Variants in HSD3B1 observed in about 807,000 individuals in gnomAD.
HSD3B1 encodes the protein hydroxy-delta-5-steroid dehydrogenase, 3 beta- and steroid delta-isomerase 1, also known as 3 beta-hydroxysteroid dehydrogenase/Delta 5-->4-isomerase type 1.
A neutral mutation model predicts 10.4 loss-of-function variants in HSD3B1; 11 were observed. That is an observed-to-expected ratio of 1.05 (90% CI 0.66 to 1.75). The LOEUF (loss-of-function observed/expected upper bound fraction) is 1.75, where lower values mean the gene tolerates loss of function less well. HSD3B1 is among the 40% of genes most tolerant of loss of function. The pLI, the probability that HSD3B1 is intolerant of heterozygous loss-of-function variation, is 0.00. For synonymous variants in HSD3B1, 217 were observed against 185.4 expected (o/e 1.17, Z -1.39); for missense variants, 490 against 454.5 (o/e 1.08, Z -0.71).
chr1:119,507,316 A>G lies in HSD3B1; in HGVS notation c.-86+54A>G, dbSNP rs587658433. ...ACTCCTGCAGTGGTGGGGACACAGA[A>G]TGTTTGCAAAAAAAATGGGGTGGAG... On this transcript the variant is annotated intron_variant, in intron 1 of 3. Coordinates refer to ENST00000369413, the MANE Select transcript of HSD3B1 (RefSeq NM_000862.3). The G allele has an allele frequency of 2.4e-5, 16 of 666,070 alleles. No individual in the cohort carries two copies. In the East Asian group the frequency reaches 3.1e-4, roughly 13 times the overall value. 41.3% of individuals were successfully genotyped at this position (666,070 alleles called of 1,614,324 possible). A position where few individuals can be genotyped will look rare whatever the true frequency, so the allele number is the denominator to read the frequency against.
intron 2 of HSD3B1, among the ~76,000 whole-genome samples, chr1:119,509,412 A>T (rs1408570394): frequency 6.6e-6 from 1 of 152,224 alleles, no homozygotes; most frequent in Non-Finnish European, 1.5e-5. Context: ...TGACTTCATC[A>T]ACAAAGTACC....
rs1267100162 is a variant in HSD3B1, at chr1:119,510,734, T to G, written c.146-769T>G. 2.7e-4 allele frequency among the ~76,000 whole-genome samples: 22 copies of G among 80,850 alleles called. 1 individual carries two copies. Among genetic ancestry groups the G allele is most frequent in the African/African-American group, 1.8e-3 (22 of 12,268 alleles). 53.0% of individuals were successfully genotyped at this position (80,850 alleles called of 152,430 possible). A position where few individuals can be genotyped will look rare whatever the true frequency, so the allele number is the denominator to read the frequency against. On this transcript the variant is annotated intron_variant, in intron 2 of 3. Transcript: ENST00000369413. ...GTGGTTTTCTTTTTTTTTTTTTTTT[T>G]TTTTTTTTTTTTTTTTTTTTGAGAC...
At chr1:119,509,386 GAGA>G (rs1251290488) in intron 2 of HSD3B1, among the ~76,000 whole-genome samples, 2 of 152,172 alleles carry the variant, frequency 1.3e-5, no homozygotes, top group African/African-American at 4.8e-5. Context: ...CAGTGCCTTG[GAGA>G]AGAAGGGAGC....
rs371893904 is a variant in HSD3B1, at chr1:119,513,808, A to G, written c.311-26A>G. 7.6e-5 allele frequency: 123 copies of G among 1,609,212 alleles called. 1 individual carries two copies. The Middle Eastern group carries it at 1.7e-3, about 22-fold the overall frequency. ...GCACCTCTTAGGGATATATCCTGACAGTGACAATATGCTCTTCATGGACAG... is the reference window on the plus strand; with the variant it reads ...GCACCTCTTAGGGATATATCCTGACGGTGACAATATGCTCTTCATGGACAG... On this transcript the variant is annotated intron_variant, in intron 3 of 3. Transcript: ENST00000369413.
intron 3 of HSD3B1, among the ~76,000 whole-genome samples, chr1:119,512,982 G>A (rs965247831): frequency 2.0e-5 from 3 of 152,102 alleles, no homozygotes; most frequent in East Asian, 1.9e-4. Flanking sequence ...GGCACTATGG[G>A]TACCTCCATG....
Position 119,511,637 on chromosome 1 carries a change from A to C in HSD3B1, c.280A>C (p.Arg94=). ...CATTGATGTCTTCGGTGTCACTCAC[A>C]GAGAGTCTATCATGAATGTCAATGT... ...CIIDVFGVTH[R]ESIMNVNVKG... The change falls in exon 3 of 4, where the codon AGA becomes CGA. Residue 94 remains arginine (R), a synonymous_variant. Coordinates refer to ENST00000369413, the MANE Select transcript of HSD3B1 (RefSeq NM_000862.3). The C allele has an allele frequency of 6.2e-7, 1 of 1,612,224 alleles. No homozygotes were observed. Among genetic ancestry groups the C allele is most frequent in the Non-Finnish European group, 8.5e-7 (1 of 1,179,712 alleles).
chr1:119,514,782 T>C lies in HSD3B1; in HGVS notation c.*137T>C. On this transcript the variant is annotated 3_prime_UTR_variant, in exon 4 of 4. Coordinates refer to ENST00000369413, the MANE Select transcript of HSD3B1 (RefSeq NM_000862.3). Reference sequence around the variant, plus strand: ...TCCCTTTCATACAATGGCCAACTTATTGTATTCCTCATGTCATCAAAACCT... The same window carrying C: ...TCCCTTTCATACAATGGCCAACTTACTGTATTCCTCATGTCATCAAAACCT... The C allele has an allele frequency of 1.1e-6, 1 of 919,178 alleles. No individual in the cohort carries two copies. Among genetic ancestry groups the C allele is most frequent in the African/African-American group, 1.6e-5 (1 of 60,652 alleles). 56.9% of individuals were successfully genotyped at this position (919,178 alleles called of 1,614,324 possible).
chr1:119,511,983 T>C (rs1046128722), intron 3 of HSD3B1: 4 of 309,546 alleles, frequency 1.3e-5, no homozygotes, highest in African/African-American at 6.4e-5. Context: ...CTTTCTACTG[T>C]GGTTCCAATC....
intron 3 of HSD3B1, among the ~76,000 whole-genome samples, chr1:119,513,178 G>T (rs1653987329): frequency 6.6e-6 from 1 of 152,178 alleles, no homozygotes; most frequent in African/African-American, 2.4e-5. Context: ...AGCCAGAATT[G>T]GAAGCAGCTT....
At position 119,514,749 on chromosome 1, in the gene HSD3B1, C is replaced by A; in HGVS notation, c.*104C>A. ...AGTGACAAGGGCACAAGCTCAGGTC[C>A]TGCTGCCTCCCTTTCATACAATGGC... On this transcript the variant is annotated 3_prime_UTR_variant, in exon 4 of 4. Transcript: ENST00000369413. 7.8e-7 allele frequency: 1 copy of A among 1,281,066 alleles called. No individual in the cohort carries two copies. The highest frequency in any genetic ancestry group is 1.1e-6 in the Non-Finnish European group (1 of 902,044). The allele number at this position is 1,281,066 out of a possible 1,614,324, so 79.4% of individuals were successfully genotyped here.
intron 3 of HSD3B1, among the ~76,000 whole-genome samples, chr1:119,512,975 A>G (rs1489675058): frequency 6.6e-6 from 1 of 152,198 alleles, no homozygotes; most frequent in Non-Finnish European, 1.5e-5. Flanking sequence ...AAGGGAAGGC[A>G]CTATGGGTAC....
intron 2 of HSD3B1, among the ~76,000 whole-genome samples, chr1:119,508,181 A>G (rs975782815): frequency 6.6e-6 from 1 of 151,990 alleles, no homozygotes; most frequent in Non-Finnish European, 1.5e-5. Context: ...GGGGAGAGAG[A>G]GTCGGGGAGA....
chr1:119,507,675 G>A (rs1244104328), intron 2 of HSD3B1, 54 bp downstream of exon 2: 1 of 1,577,156 alleles, frequency 6.3e-7, no homozygotes, highest in African/African-American at 1.3e-5. Context: ...CTGCATGTAT[G>A]TGGGGGGAGA....
intron 3 of HSD3B1, among the ~76,000 whole-genome samples, chr1:119,513,570 A>G (rs902543601): frequency 1.3e-5 from 2 of 152,148 alleles, no homozygotes; most frequent in Non-Finnish European, 2.9e-5. Flanking sequence ...CCAAAATTAA[A>G]GTACACACAC....
chr1:119,507,503 A>G lies in HSD3B1; in HGVS notation c.27A>G (p.Thr9=). The G allele has an allele frequency of 1.2e-6, 2 of 1,613,980 alleles. No homozygotes were observed. The highest frequency in any genetic ancestry group is 1.7e-6 in the Non-Finnish European group (2 of 1,179,948). ...TGACGGGCTGGAGCTGCCTTGTGAC[A>G]GGAGCAGGAGGGTTTCTGGGACAGA... The part of the protein sequence containing the change: MTGWSCLV[T]GAGGFLGQRI... The change falls in exon 2 of 4, where the codon ACA becomes ACG. Residue 9 remains threonine, a synonymous_variant. Coordinates refer to ENST00000369413, the MANE Select transcript of HSD3B1 (RefSeq NM_000862.3).
chr1:119,513,312 A>T (rs1373134693), intron 3 of HSD3B1, among the ~76,000 whole-genome samples: 1 of 152,142 alleles, frequency 6.6e-6, no homozygotes, highest in Non-Finnish European at 1.5e-5. Context: ...CAAAATGAGA[A>T]AAGTACCAAC....
Position 119,513,444 on chromosome 1 carries a change from T to C in HSD3B1, c.311-390T>C, listed in dbSNP as rs139723583. Among the ~76,000 whole-genome samples, 5 of 152,292 alleles carry C rather than the reference T, an allele frequency of 3.3e-5. No homozygotes were observed. In the East Asian group the frequency reaches 9.6e-4, roughly 29 times the overall value. On this transcript the variant is annotated intron_variant, in intron 3 of 3. Transcript: ENST00000369413. The stretch of plus-strand genomic sequence containing the variant: ...TGGAACTGTCCATATTCACAGAGTA[T>C]AGCCTCCTGATTTTTTAGATTTTAA...
Position 119,514,799 on chromosome 1 carries a change from T to C in HSD3B1, c.*154T>C. Reference sequence around the variant, plus strand: ...CCAACTTATTGTATTCCTCATGTCATCAAAACCTGCGCAGTCATTGGCCCA... The same window carrying C: ...CCAACTTATTGTATTCCTCATGTCACCAAAACCTGCGCAGTCATTGGCCCA... On this transcript the variant is annotated 3_prime_UTR_variant, in exon 4 of 4. Transcript: ENST00000369413. 1.2e-6 allele frequency: 1 copy of C among 802,256 alleles called. No homozygotes were observed. Among genetic ancestry groups the C allele is most frequent in the Non-Finnish European group, 2.1e-6 (1 of 484,094 alleles). The allele number at this position is 802,256 out of a possible 1,614,324, so 49.7% of individuals were successfully genotyped here.
Position 119,514,542 on chromosome 1 carries a change from ATAAGCCACTC to A in HSD3B1, c.1022_1031del (p.Lys341ThrfsTer25). 6.2e-7 allele frequency: 1 copy of A among 1,614,034 alleles called. No homozygotes were observed. Among genetic ancestry groups the A allele is most frequent in the African/African-American group, 1.3e-5 (1 of 75,024 alleles). On this transcript the variant is annotated frameshift_variant, in exon 4 of 4. Coordinates refer to ENST00000369413, the MANE Select transcript of HSD3B1 (RefSeq NM_000862.3). LOFTEE classifies it low-confidence loss of function (END_TRUNC). ...AAGAAGGCTCAGCGAGATCTGGCGT[ATAAGCCACTC>A]TACAGCTGGGAGGAAGCCAAGCAGA... is the stretch of plus-strand genomic sequence containing the variant.
Sources: allele counts gnomAD v4.1 joint callset (sites outside exome capture counted in the v4.1 genomes callset), GRCh38; gene constraint gnomAD v4.1.1; transcripts MANE v1.5; gene names NCBI Gene and HGNC (gene_info 2026-07-23, HGNC 2026-07-21).